Variants in ANKRD17 observed in about 807,000 individuals in gnomAD.
ANKRD17 encodes ankyrin repeat domain-containing protein 17.
In ANKRD17, 19 loss-of-function variants were observed where a neutral mutation model predicts 229.7. That is an observed-to-expected ratio of 0.08 (90% confidence interval 0.06 to 0.12). The LOEUF (loss-of-function observed/expected upper bound fraction) is 0.12. Among genes scored for constraint, ANKRD17 ranks in the 10% least tolerant of loss-of-function variants. The probability of loss-of-function intolerance (pLI) is 1.00; values close to 1 mark genes in which losing one functional copy is unlikely to be tolerated. For missense variants in ANKRD17, 2,176 were observed against 3,176.8 expected, an observed-to-expected ratio of 0.68 and a Z score of 7.57; for synonymous variants, 1,112 against 1,146.1, an observed-to-expected ratio of 0.97 and a Z score of 0.60.
intron 1 of ANKRD17, among the ~76,000 whole-genome samples, chr4:73,204,014 A>C (rs1300099762): frequency 1.3e-5 from 2 of 152,116 alleles, no homozygotes; most frequent in African/African-American, 4.8e-5. Flanking sequence ...CTTCTTATTC[A>C]AAAGAAGGAA....
intron 1 of ANKRD17, among the ~76,000 whole-genome samples, chr4:73,207,760 C>T (rs1001528866): frequency 2.5e-4 from 38 of 152,128 alleles, no homozygotes; most frequent in Admixed American, 2.0e-4. Flanking sequence ...CATGAGGAAG[C>T]TCCAAAATAC....
At chr4:73,257,921 G>A (rs536700688) in intron 1 of ANKRD17, among the ~76,000 whole-genome samples, 19 of 152,006 alleles carry the variant, frequency 1.2e-4, no homozygotes, top group African/African-American at 4.6e-4. Context: ...TCCCGATCCC[G>A]CCTCAGACTA....
At chr4:73,121,576 CTTA>C in intron 19 of ANKRD17, 38 bp downstream of exon 19, 1 of 1,609,474 alleles carries the variant, frequency 6.2e-7, no homozygotes. Flanking sequence ...CTATAACAGT[CTTA>C]CTAAATAAGG....
At chr4:73,240,075 T>C (rs1054615568) in intron 1 of ANKRD17, among the ~76,000 whole-genome samples, 12 of 152,088 alleles carry the variant, frequency 7.9e-5, no homozygotes, top group Admixed American at 4.6e-4. Context: ...ATTGGAAAGA[T>C]AGTGCAAGAG....
intron 2 of ANKRD17, among the ~76,000 whole-genome samples, chr4:73,164,864 C>T (rs184757548): frequency 6.7e-6 from 1 of 149,662 alleles, no homozygotes; most frequent in East Asian, 1.9e-4. Flanking sequence ...AATTGAACAA[C>T]AAAACCATAG....
chr4:73,153,828 T>C (rs1439936655), intron 6 of ANKRD17, 52 bp downstream of exon 6: 2 of 1,199,078 alleles, frequency 1.7e-6, no homozygotes, highest in South Asian at 2.2e-5. Context: ...CATAAAATAA[T>C]TATAATTTCA....
intron 29 of ANKRD17, among the ~76,000 whole-genome samples, chr4:73,086,686 T>G (rs1349731751): frequency 2.0e-5 from 3 of 151,120 alleles, no homozygotes; most frequent in African/African-American, 7.3e-5. Flanking sequence ...ACTCTTGGGC[T>G]CAAGCAACCC....
rs1723557973 is a variant in ANKRD17, at chr4:73,098,421, C to A, written c.4673G>T (p.Arg1558Ile). 6.2e-7 allele frequency: 1 copy of A among 1,613,966 alleles called. No individual in the cohort carries two copies. Among genetic ancestry groups the A allele is most frequent in the Admixed American group, 1.7e-5 (1 of 59,998 alleles). ...ACTGGTTGTAGTTATGGTATTATTT[C>A]TTTTACCATGAGAACCTGCCAAAGT... Reference protein sequence around the residue: ...WTTLAGSHGKRNNTITTTSSK... With the variant: ...WTTLAGSHGKINNTITTTSSK... The change falls in exon 26 of 34, where the codon AGA (arginine) becomes ATA (isoleucine). Residue 1558 changes from arginine (R) to isoleucine (I), a missense_variant. Arg to Ile is a moderately conservative substitution (Grantham distance 97, BLOSUM62 -3). Around this residue, in one of 18 missense-constraint regions of ANKRD17, gnomAD observed 105 missense variants for 118.3 expected, o/e 0.89. Transcript: ENST00000358602.
chr4:73,115,483 T>A (rs1725834493), intron 23 of ANKRD17, among the ~76,000 whole-genome samples: 1 of 152,022 alleles, frequency 6.6e-6, no homozygotes, highest in Non-Finnish European at 1.5e-5. Context: ...AGAGATGGGG[T>A]CTCCCCATGT....
intron 1 of ANKRD17, among the ~76,000 whole-genome samples, chr4:73,203,571 C>T (rs536293182): frequency 6.6e-6 from 1 of 151,714 alleles, no homozygotes; most frequent in East Asian, 2.0e-4. Flanking sequence ...TCCTGGCTAA[C>T]ATGGTGAAAC....
chr4:73,225,202 T>C (rs1326238076), intron 1 of ANKRD17, among the ~76,000 whole-genome samples: 1 of 152,202 alleles, frequency 6.6e-6, no homozygotes, highest in African/African-American at 2.4e-5. Flanking sequence ...TCTTTAGACT[T>C]AAAACAAGTC....
At position 73,087,046 on chromosome 4, in the gene ANKRD17, C is replaced by G. The variant is rs541858733; in HGVS notation, c.6962-1600G>C. Reference sequence around the variant, plus strand: ...AGATACAATTCTACAATGAAGAGATCTGATAATTACATACTAACCACACGG... The same window carrying G: ...AGATACAATTCTACAATGAAGAGATGTGATAATTACATACTAACCACACGG... On this transcript the variant is annotated intron_variant, in intron 29 of 33. Coordinates refer to ENST00000358602, the MANE Select transcript of ANKRD17 (RefSeq NM_032217.5). Among the ~76,000 whole-genome samples the G allele has an allele frequency of 3.6e-3, 521 of 143,122 alleles. 1 individual carries two copies. Among genetic ancestry groups the G allele is most frequent in the Non-Finnish European group, 6.4e-3 (426 of 66,142 alleles). 93.9% of individuals were successfully genotyped at this position (143,122 alleles called of 152,430 possible).
intron 18 of ANKRD17, among the ~76,000 whole-genome samples, chr4:73,121,974 T>G (rs1326521021): frequency 6.6e-6 from 1 of 152,126 alleles, no homozygotes; most frequent in Non-Finnish European, 1.5e-5. Flanking sequence ...AGAAATCCAC[T>G]AAAATGCTAC....
intron 2 of ANKRD17, among the ~76,000 whole-genome samples, chr4:73,176,293 G>C (rs1044669494): frequency 6.6e-6 from 1 of 152,090 alleles, no homozygotes; most frequent in African/African-American, 2.4e-5. Flanking sequence ...CCAAAAGACA[G>C]GCAATGACAA....
In ANKRD17 at chr4:73,098,092, A is replaced by G. The variant is rs756376940; in HGVS notation, c.5002T>C (p.Ser1668Pro). 3 of 1,600,314 alleles carry G rather than the reference A, an allele frequency of 1.9e-6. No individual in the cohort carries two copies. The highest frequency in any genetic ancestry group is 2.2e-5 in the South Asian group (2 of 89,548). ...ACTAACTTTATTGAAGCCTTGCCAG[A>G]AACAGATTTTCTCTCTTCCTTTGGA... ...TFPKEERKSV[S>P]GKASIKLSET... Residue 1668 changes from serine to proline, a missense_variant, in exon 26 of 34, where the codon TCT (serine) becomes CCT (proline). Ser to Pro is a moderately conservative substitution (Grantham distance 74). Around this residue, in one of 18 missense-constraint regions of ANKRD17, gnomAD observed 98 missense variants for 101.0 expected, o/e 0.97. Coordinates refer to ENST00000358602, the MANE Select transcript of ANKRD17 (RefSeq NM_032217.5).
chr4:73,227,800 T>C lies in ANKRD17; in HGVS notation c.393+30476A>G, dbSNP rs576304980. Among the ~76,000 whole-genome samples the C allele has an allele frequency of 3.9e-5, 6 of 152,042 alleles. No homozygotes were observed. The East Asian group carries it at 1.2e-3, about 29-fold the overall frequency. ...TTTCCTTGAAGAAGGAAAAAGAAAA[T>C]CAAAACAAAAAAATATGTAGAAATG... On this transcript the variant is annotated intron_variant, in intron 1 of 33. Coordinates refer to ENST00000358602, the MANE Select transcript of ANKRD17 (RefSeq NM_032217.5).
chr4:73,230,833 TTTG>T (rs1209454011), intron 1 of ANKRD17, among the ~76,000 whole-genome samples: 16 of 152,172 alleles, frequency 1.1e-4, no homozygotes, highest in African/African-American at 3.9e-4. Context: ...GACACTCGCA[TTTG>T]TTGTCTCTAC....
intron 1 of ANKRD17, among the ~76,000 whole-genome samples, chr4:73,179,516 A>ATTTTTTTT (rs1329977316): frequency 2.1e-4 from 12 of 57,146 alleles, no homozygotes; most frequent in East Asian, 6.9e-4. Context: ...ATATATATAT[A>ATTTTTTTT]TATTTTTTTT....
chr4:73,191,334 AAT>A (rs1342812575), intron 1 of ANKRD17, among the ~76,000 whole-genome samples: 231 of 84,702 alleles, frequency 2.7e-3, no homozygotes, highest in African/African-American at 8.4e-3. Flanking sequence ...CCTACCAAAA[AAT>A]ATATATGTGT....
Sources: allele counts gnomAD v4.1 joint callset (sites outside exome capture counted in the v4.1 genomes callset), GRCh38; gene constraint gnomAD v4.1.1; regional missense constraint gnomAD v4.1.1; transcripts MANE v1.5; gene names NCBI Gene and HGNC (gene_info 2026-07-23, HGNC 2026-07-21).